NCKAP5: variants seen among roughly 807,000 people sequenced by gnomAD.
NCKAP5 encodes the protein NCK associated protein 5.
In NCKAP5, 92 loss-of-function variants were observed where a neutral mutation model predicts 167.0. The observed-to-expected ratio is 0.55, with a 90% confidence interval of 0.47 to 0.66. The LOEUF (loss-of-function observed/expected upper bound fraction) is 0.66, where lower values mean the gene tolerates loss of function less well. Among genes scored for constraint, NCKAP5 ranks in the 30% least tolerant of loss-of-function variants. NCKAP5 has a pLI of 0.00. For missense variants in NCKAP5, 2,378 were observed against 2,315.0 expected (o/e 1.03, Z -0.56); for synonymous variants, 891 against 877.4 (o/e 1.02, Z -0.27).
chr2:133,247,459 T>C (rs1422205441), intron 4 of NCKAP5, among the ~76,000 whole-genome samples: 2 of 152,176 alleles, frequency 1.3e-5, no homozygotes, highest in East Asian at 1.9e-4. Flanking sequence ...TTTTACAGCA[T>C]TAAATTAAAA....
intron 8 of NCKAP5, among the ~76,000 whole-genome samples, chr2:132,886,410 T>C (rs1215807758): frequency 6.6e-6 from 1 of 152,232 alleles, no homozygotes; most frequent in African/African-American, 2.4e-5. Flanking sequence ...ATATAACCAC[T>C]GTGTAGTTAT....
chr2:133,382,436 T>C (rs1212168644), intron 3 of NCKAP5, among the ~76,000 whole-genome samples: 1 of 152,144 alleles, frequency 6.6e-6, no homozygotes, highest in African/African-American at 2.4e-5. Flanking sequence ...TACCTTCTCA[T>C]TGGTTTTAAC....
At chr2:133,357,438 G>A (rs1045570921) in intron 3 of NCKAP5, among the ~76,000 whole-genome samples, 5 of 151,808 alleles carry the variant, frequency 3.3e-5, no homozygotes, top group Non-Finnish European at 7.4e-5. Flanking sequence ...GCAAATAAAT[G>A]GAGTAAATCA....
Position 132,878,854 on chromosome 2 carries a change from A to G in NCKAP5, c.642T>C (p.Leu214=). ...ENQREQYERC[L]DEVANQVVQA... is the part of the protein sequence containing the mutation. ...GCCTCTCCATCCCCCTTACCTCATC[A>G]AGACATCGCTCATATTGTTCCCTTT... The change falls in exon 9 of 20, where the codon CTT becomes CTC. Residue 214 remains leucine (L), a synonymous_variant. Coordinates refer to ENST00000409261, the MANE Select transcript of NCKAP5 (RefSeq NM_207363.3). 2 of 1,613,284 alleles carry G rather than the reference A, an allele frequency of 1.2e-6. No homozygotes were observed. The highest frequency in any genetic ancestry group is 1.7e-6 in the Non-Finnish European group (2 of 1,179,226).
the NCKAP5 span, among the ~76,000 whole-genome samples, chr2:133,605,360 G>A: frequency 6.6e-6 from 1 of 152,280 alleles, no homozygotes; most frequent in East Asian, 1.9e-4. Flanking sequence ...GTGTGGTCTG[G>A]GGAGGGCACT....
intron 12 of NCKAP5, among the ~76,000 whole-genome samples, chr2:132,795,793 AG>A (rs1235095401): frequency 6.9e-6 from 1 of 144,440 alleles, no homozygotes; most frequent in African/African-American, 2.5e-5. Flanking sequence ...CACTCCAGCC[AG>A]GGCAACAGGA....
chr2:132,787,290 G>A (rs1308728058), intron 13 of NCKAP5, among the ~76,000 whole-genome samples: 1 of 150,002 alleles, frequency 6.7e-6, no homozygotes. Flanking sequence ...GGACATTGCA[G>A]TGAGCTGAGA....
intron 2 of NCKAP5, among the ~76,000 whole-genome samples, chr2:133,519,555 A>G (rs1054515477): frequency 3.3e-5 from 5 of 152,224 alleles, no homozygotes; most frequent in African/African-American, 1.2e-4. Flanking sequence ...CCAGCTAGAG[A>G]CTACTCTGAC....
chr2:133,335,645 A>T lies in NCKAP5; in HGVS notation c.70-32535T>A, dbSNP rs559003764. On this transcript the variant is annotated intron_variant, in intron 3 of 19. Coordinates refer to ENST00000409261, the MANE Select transcript of NCKAP5 (RefSeq NM_207363.3). ...CTGATGATATATTGATTGTACATAC[A>T]TATCTTTACTTTTGCATATTCTATG... Among the ~76,000 whole-genome samples the T allele has an allele frequency of 2.6e-5, 4 of 152,350 alleles. No homozygotes were observed. The East Asian group carries it at 7.7e-4, about 29-fold the overall frequency.
At chr2:133,656,373 TACA>T in the NCKAP5 span, among the ~76,000 whole-genome samples, 3 of 152,206 alleles carry the variant, frequency 2.0e-5, no homozygotes, top group Non-Finnish European at 4.4e-5. Context: ...GATTTGCTGT[TACA>T]ACAATGCCTG....
chr2:132,833,508 G>T (rs1407340551), intron 11 of NCKAP5, among the ~76,000 whole-genome samples: 1 of 152,122 alleles, frequency 6.6e-6, no homozygotes, highest in Non-Finnish European at 1.5e-5. Flanking sequence ...TTATGTTTAA[G>T]ACTTTAATCC....
the NCKAP5 span, among the ~76,000 whole-genome samples, chr2:133,635,284 C>A: frequency 5.3e-5 from 8 of 152,290 alleles, no homozygotes; most frequent in Non-Finnish European, 1.0e-4. Context: ...TCTATTAGAA[C>A]AAATAAGCTC....
At chr2:132,710,390 C>A (rs886169578) in intron 19 of NCKAP5, among the ~76,000 whole-genome samples, 3 of 152,174 alleles carry the variant, frequency 2.0e-5, no homozygotes, top group Non-Finnish European at 4.4e-5. Flanking sequence ...ATTATAGATT[C>A]TTTTAGAAGC....
intron 19 of NCKAP5, among the ~76,000 whole-genome samples, chr2:132,698,385 G>T (rs947993122): frequency 2.0e-5 from 3 of 152,186 alleles, no homozygotes; most frequent in Non-Finnish European, 4.4e-5. Context: ...GGGCAGACCA[G>T]AGAGTGAACA....
chr2:133,096,401 T>C (rs765053119), intron 6 of NCKAP5, among the ~76,000 whole-genome samples: 70 of 151,974 alleles, frequency 4.6e-4, no homozygotes, highest in Non-Finnish European at 6.6e-4. Flanking sequence ...GGGAAGAGCA[T>C]TGCTTGAACC....
At chr2:133,499,837 C>T (rs59709661) in intron 3 of NCKAP5, among the ~76,000 whole-genome samples, 13 of 152,298 alleles carry the variant, frequency 8.5e-5, no homozygotes, top group South Asian at 8.3e-4. Flanking sequence ...GGATTACAGG[C>T]GTGAGCCACC....
Position 132,782,314 on chromosome 2 carries a change from C to T in NCKAP5, c.4497G>A (p.Lys1499=), listed in dbSNP as rs1381134787. The change falls in exon 14 of 20, where the codon AAG becomes AAA. Residue 1499 remains lysine, a synonymous_variant. Transcript: ENST00000409261. ...TGGCAAAAGAAGGCCCAGGCTTCTG[C>T]TTTGCTTCCACAGAGGTGGGCTTTG... is the stretch of plus-strand genomic sequence containing the variant. ...VQTKPTSVEA[K]QKPGPSFASW... The T allele has an allele frequency of 1.2e-6, 2 of 1,613,922 alleles. No individual in the cohort carries two copies. Among genetic ancestry groups the T allele is most frequent in the Admixed American group, 1.7e-5 (1 of 60,008 alleles).
chr2:133,566,400 G>C (rs1221846210), intron 1 of NCKAP5, among the ~76,000 whole-genome samples: 1 of 152,172 alleles, frequency 6.6e-6, no homozygotes, highest in Non-Finnish European at 1.5e-5. Flanking sequence ...AACTGCTGAG[G>C]CTGCTCCATT....
chr2:133,318,699 A>G (rs1681795091), intron 3 of NCKAP5, among the ~76,000 whole-genome samples: 1 of 152,160 alleles, frequency 6.6e-6, no homozygotes, highest in South Asian at 2.1e-4. Flanking sequence ...TTTTAAGTTG[A>G]AAGCCCTTGT....
Sources: allele counts gnomAD v4.1 joint callset (sites outside exome capture counted in the v4.1 genomes callset), GRCh38; gene constraint gnomAD v4.1.1; transcripts MANE v1.5; gene names NCBI Gene and HGNC (gene_info 2026-07-23, HGNC 2026-07-21).